ZPLD1: variants seen among roughly 807,000 people sequenced by gnomAD.
ZPLD1 encodes the protein zona pellucida like domain containing 1.
In ZPLD1, 34 loss-of-function variants were observed where a neutral mutation model predicts 47.2. The observed-to-expected ratio is 0.72, with a 90% CI of 0.55 to 0.96. The LOEUF is 0.96. ZPLD1 is among the 40% of genes least tolerant of loss of function. ZPLD1 has a pLI of 0.00. For missense variants in ZPLD1, 512 were observed against 505.8 expected, an observed-to-expected ratio of 1.01 and a Z score of -0.12; for synonymous variants, 176 against 186.2, an observed-to-expected ratio of 0.95 and a Z score of 0.45.
intron 10 of ZPLD1, among the ~76,000 whole-genome samples, chr3:102,476,440 G>A (rs542570911): frequency 3.0e-4 from 46 of 152,108 alleles, no homozygotes; most frequent in Admixed American, 1.3e-4. Flanking sequence ...CTTAACAGAT[G>A]CAAATAAAAC....
chr3:102,460,475 A>G (rs1025654061), intron 6 of ZPLD1, among the ~76,000 whole-genome samples: 1 of 152,032 alleles, frequency 6.6e-6, no homozygotes, highest in Non-Finnish European at 1.5e-5. Flanking sequence ...CAATATAAAT[A>G]TGTCAGTTTT....
intron 3 of ZPLD1, among the ~76,000 whole-genome samples, chr3:102,445,848 A>T (rs1707248197): frequency 6.6e-6 from 1 of 152,246 alleles, no homozygotes; most frequent in Non-Finnish European, 1.5e-5. Context: ...ATAACTAGTC[A>T]CCAAGGCTAA....
intron 4 of ZPLD1, among the ~76,000 whole-genome samples, chr3:102,454,857 C>A (rs1364314383): frequency 6.6e-6 from 1 of 152,116 alleles, no homozygotes; most frequent in Admixed American, 6.5e-5. Flanking sequence ...CTTTGTCTCA[C>A]ACACACACAA....
At chr3:102,399,887 C>T (rs1045900256) in intron 7 of ZPLD1, among the ~76,000 whole-genome samples, 7 of 151,554 alleles carry the variant, frequency 4.6e-5, no homozygotes, top group African/African-American at 9.7e-5. Context: ...GGTGTGATCT[C>T]GGTTCACTGC....
intron 8 of ZPLD1, among the ~76,000 whole-genome samples, chr3:102,466,021 A>G (rs1261095970): frequency 6.6e-6 from 1 of 152,144 alleles, no homozygotes; most frequent in African/African-American, 2.4e-5. Context: ...ATCTGAAGAA[A>G]AAACAGTAGA....
At chr3:102,449,026 G>T (rs1480356387) in intron 3 of ZPLD1, among the ~76,000 whole-genome samples, 4 of 152,196 alleles carry the variant, frequency 2.6e-5, no homozygotes, top group Non-Finnish European at 4.4e-5. Flanking sequence ...ATGTATAAAG[G>T]TTCCCTGCAA....
upstream of ZPLD1, among the ~76,000 whole-genome samples, chr3:102,434,556 T>C (rs1399121633): frequency 6.6e-6 from 1 of 152,214 alleles, no homozygotes; most frequent in Non-Finnish European, 1.5e-5. Context: ...ACATTTTACT[T>C]ATAATCCTCC....
chr3:102,388,331 T>C (rs1006420049), intron 6 of ZPLD1, among the ~76,000 whole-genome samples: 2 of 152,158 alleles, frequency 1.3e-5, no homozygotes, highest in African/African-American at 4.8e-5. Flanking sequence ...TTTTTGGCAA[T>C]GTTTTACAAT....
chr3:102,399,985 A>G (rs1210190242), intron 7 of ZPLD1, among the ~76,000 whole-genome samples: 1 of 151,686 alleles, frequency 6.6e-6, no homozygotes, highest in Non-Finnish European at 1.5e-5. Flanking sequence ...TGCCCTGCTA[A>G]TTTTTGTATT....
intron 7 of ZPLD1, among the ~76,000 whole-genome samples, chr3:102,396,750 G>A (rs964927551): frequency 4.6e-5 from 7 of 152,102 alleles, no homozygotes; most frequent in Non-Finnish European, 8.8e-5. Flanking sequence ...ACTCTGTTAC[G>A]CTCTTTCCTC....
chr3:102,474,521 A>G (rs1388631729), intron 10 of ZPLD1, among the ~76,000 whole-genome samples: 11 of 152,166 alleles, frequency 7.2e-5, no homozygotes, highest in Non-Finnish European at 1.5e-4. Context: ...CGAACGTAAC[A>G]CTGTGAAAAG....
chr3:102,449,838 G>A (rs577639226), intron 3 of ZPLD1, among the ~76,000 whole-genome samples: 1 of 152,222 alleles, frequency 6.6e-6, no homozygotes, highest in African/African-American at 2.4e-5. Context: ...GTCCTGGAAT[G>A]TATCCCTAGA....
intron 3 of ZPLD1, among the ~76,000 whole-genome samples, chr3:102,447,144 C>A (rs752391899): frequency 2.6e-5 from 4 of 152,156 alleles, no homozygotes; most frequent in Non-Finnish European, 4.4e-5. Flanking sequence ...CGGCTCACTG[C>A]AACCTCTGCC....
At chr3:102,465,986 A>C (rs1052786927) in intron 8 of ZPLD1, among the ~76,000 whole-genome samples, 4 of 152,158 alleles carry the variant, frequency 2.6e-5, no homozygotes, top group African/African-American at 9.7e-5. Context: ...CTTTGAATGG[A>C]AACTGCTATC....
At chr3:102,409,385 C>T (rs1025564236) in intron 7 of ZPLD1, among the ~76,000 whole-genome samples, 15 of 151,834 alleles carry the variant, frequency 9.9e-5, no homozygotes, top group Middle Eastern at 3.4e-3. Context: ...ATAAACACCA[C>T]CTCTTAATAC....
chr3:102,446,718 C>T (rs1427729962), intron 3 of ZPLD1, among the ~76,000 whole-genome samples: 1 of 152,134 alleles, frequency 6.6e-6, no homozygotes, highest in Non-Finnish European at 1.5e-5. Context: ...TTATTTCTTC[C>T]TAACAATTCC....
At chr3:102,463,424 A>G (rs893958599) in intron 7 of ZPLD1, among the ~76,000 whole-genome samples, 1 of 152,234 alleles carries the variant, frequency 6.6e-6, no homozygotes, top group Non-Finnish European at 1.5e-5. Context: ...ATAAGCATCT[A>G]TGTAGCTCAT....
At chr3:102,462,736 C>T (rs572717836) in intron 7 of ZPLD1, among the ~76,000 whole-genome samples, 2 of 152,076 alleles carry the variant, frequency 1.3e-5, no homozygotes, top group East Asian at 3.9e-4. Flanking sequence ...ATGTATGTTA[C>T]TCTTCAATAT....
chr3:102,469,120 C>T lies in ZPLD1; in HGVS notation c.918C>T (p.Cys306=), dbSNP rs144278178. The T allele has an allele frequency of 3.9e-5, 63 of 1,610,840 alleles. No homozygotes were observed. The highest frequency in any genetic ancestry group is 5.1e-5 in the Non-Finnish European group (60 of 1,179,006). Residue 306 remains cysteine (C), a synonymous_variant, in exon 9 of 12, where the codon TGC becomes TGT. Coordinates refer to ENST00000466937, the MANE Select transcript of ZPLD1 (RefSeq NM_001329788.2). ...CVTKLCRADD[C]PFLMPICSHR... ...CCAAGCTCTGCAGAGCAGATGACTG[C>T]CCCTTCCTTATGCCGGTATGTTTTT...
Sources: allele counts gnomAD v4.1 joint callset (sites outside exome capture counted in the v4.1 genomes callset), GRCh38; gene constraint gnomAD v4.1.1; transcripts MANE v1.5; gene names NCBI Gene and HGNC (gene_info 2026-07-23, HGNC 2026-07-21).